The following DAB1 variants were observed in gnomAD, a reference collection of about 807,000 sequenced individuals.
DAB1 encodes the protein DAB adaptor protein 1, also known as disabled homolog 1.
A neutral mutation model predicts 64.6 loss-of-function variants in DAB1; 15 were observed. The observed-to-expected ratio is 0.23, with a 90% CI of 0.16 to 0.36. DAB1 has a LOEUF of 0.36. DAB1 is among the 10% of genes least tolerant of loss of function. DAB1 has a pLI of 1.00. For missense variants in DAB1, 596 were observed against 706.7 expected (o/e 0.84, Z 1.78); for synonymous variants, 235 against 251.9 (o/e 0.93, Z 0.64).
intron 1 of DAB1, among the ~76,000 whole-genome samples, chr1:57,865,249 T>C (rs1654245274): frequency 6.6e-6 from 1 of 152,208 alleles, no homozygotes; most frequent in Admixed American, 6.5e-5. Context: ...TAAATAATCA[T>C]GTGCATGCAC....
chr1:58,059,760 T>C (rs1648374675), intron 5 of DAB1, among the ~76,000 whole-genome samples: 1 of 152,198 alleles, frequency 6.6e-6, no homozygotes, highest in African/African-American at 2.4e-5. Context: ...AATAACCTCA[T>C]GGAGTAAGCA....
intron 5 of DAB1, among the ~76,000 whole-genome samples, chr1:58,018,387 G>T (rs1424406326): frequency 6.6e-6 from 1 of 152,128 alleles, no homozygotes; most frequent in African/African-American, 2.4e-5. Context: ...CCTTGGGCCT[G>T]GTTGCCTAAT....
chr1:57,184,361 C>T (rs1053958574), intron 2 of DAB1, among the ~76,000 whole-genome samples: 1 of 152,146 alleles, frequency 6.6e-6, no homozygotes, highest in Non-Finnish European at 1.5e-5. Flanking sequence ...ACGCTGCATC[C>T]GTTCTTGCCC....
chr1:58,544,407 T>C (rs748691419), intron 1 of DAB1, among the ~76,000 whole-genome samples: 19 of 152,194 alleles, frequency 1.2e-4, no homozygotes, highest in Non-Finnish European at 2.2e-4. Flanking sequence ...TATGCTAGTA[T>C]ATACAAAAAT....
chr1:57,886,385 C>T (rs1330261308), upstream of DAB1, among the ~76,000 whole-genome samples: 2 of 152,132 alleles, frequency 1.3e-5, no homozygotes, highest in South Asian at 2.1e-4. Context: ...TCTCGAACTC[C>T]TGACCTTGTG....
chr1:58,540,022 T>C (rs980898063), intron 1 of DAB1, among the ~76,000 whole-genome samples: 1 of 152,134 alleles, frequency 6.6e-6, no homozygotes, highest in Non-Finnish European at 1.5e-5. Context: ...GAAAATTCCC[T>C]GGAGCTGGGA....
rs1648104453 is a variant in DAB1 at position 57,743,541 on chromosome 1, C to T, written n.552-93876G>A. On this transcript the variant is annotated intron_variant and non_coding_transcript_variant, in intron 6 of 20. Coordinates refer to the DAB1 transcript ENST00000485760. ...TCACAGAAAGCCTGTTTGGTGGTCT[C>T]TCCACACGGATGCGCGTGAAAGGTA... is the stretch of plus-strand genomic sequence containing the variant. Among the ~76,000 whole-genome samples the T allele has an allele frequency of 4.6e-5, 7 of 152,224 alleles. No homozygotes were observed. The South Asian group carries it at 1.2e-3, about 27-fold the overall frequency.
intron 5 of DAB1, among the ~76,000 whole-genome samples, chr1:57,891,264 G>A (rs1373336172): frequency 2.6e-5 from 4 of 152,046 alleles, no homozygotes; most frequent in East Asian, 3.9e-4. Context: ...AAAAAAGCTC[G>A]TCATCACTGG....
At chr1:58,176,415 A>T (rs1037795487) in intron 4 of DAB1, among the ~76,000 whole-genome samples, 21 of 152,216 alleles carry the variant, frequency 1.4e-4, no homozygotes, top group African/African-American at 4.8e-4. Flanking sequence ...TCTCACTGAA[A>T]AAAAGATGGA....
chr1:57,753,738 CTCT>C (rs577636795), intron 6 of DAB1, among the ~76,000 whole-genome samples: 119 of 152,302 alleles, frequency 7.8e-4, no homozygotes, highest in African/African-American at 2.7e-3. Context: ...GATATAATTA[CTCT>C]TCTTTCATAT....
intron 6 of DAB1, among the ~76,000 whole-genome samples, chr1:57,782,358 G>C (rs1347575794): frequency 1.3e-5 from 2 of 152,144 alleles, no homozygotes; most frequent in African/African-American, 2.4e-5. Flanking sequence ...AGTTTTTTAA[G>C]TCTCACAACT....
chr1:57,843,486 A>AT (rs1280176042), intron 1 of DAB1, among the ~76,000 whole-genome samples: 1 of 152,198 alleles, frequency 6.6e-6, no homozygotes, highest in African/African-American at 2.4e-5. Flanking sequence ...GGGAAATAAC[A>AT]TATCAAAAGC....
intron 5 of DAB1, among the ~76,000 whole-genome samples, chr1:57,967,271 G>A (rs1645690512): frequency 6.6e-6 from 1 of 152,088 alleles, no homozygotes. Context: ...CTTTCCTTAT[G>A]GGTAGTTACT....
chr1:58,005,204 T>G (rs1178224273), intron 5 of DAB1, among the ~76,000 whole-genome samples: 1 of 152,170 alleles, frequency 6.6e-6, no homozygotes, highest in African/African-American at 2.4e-5. Flanking sequence ...TTCACACATT[T>G]TCATCCCTCC....
intron 7 of DAB1, among the ~76,000 whole-genome samples, chr1:57,493,371 G>A (rs1644189225): frequency 6.6e-6 from 1 of 151,984 alleles, no homozygotes. Flanking sequence ...CAACTTGTAT[G>A]AGTAGGAATG....
chr1:58,142,859 C>G (rs1654365538), intron 5 of DAB1, among the ~76,000 whole-genome samples: 1 of 152,202 alleles, frequency 6.6e-6, no homozygotes, highest in Non-Finnish European at 1.5e-5. Context: ...CTTAATGCCT[C>G]TCAGTCTGAT....
intron 1 of DAB1, among the ~76,000 whole-genome samples, chr1:57,386,386 A>AAAGAAG (rs548332875): frequency 6.9e-6 from 1 of 144,258 alleles, no homozygotes; most frequent in Non-Finnish European, 1.5e-5. Flanking sequence ...AAAAAAAAAA[A>AAAGAAG]ACCCGTCTTT....
chr1:58,166,613 C>A (rs1655846493), intron 4 of DAB1, among the ~76,000 whole-genome samples: 1 of 152,146 alleles, frequency 6.6e-6, no homozygotes, highest in Non-Finnish European at 1.5e-5. Context: ...CATTCCCAAA[C>A]AAGTCTTTCA....
intron 3 of DAB1, among the ~76,000 whole-genome samples, chr1:58,422,831 C>A (rs1451164656): frequency 6.6e-6 from 1 of 152,006 alleles, no homozygotes; most frequent in African/African-American, 2.4e-5. Context: ...AGAAAAAAAT[C>A]AAGCCTCTGC....
Sources: allele counts gnomAD v4.1 joint callset (sites outside exome capture counted in the v4.1 genomes callset), GRCh38; gene constraint gnomAD v4.1.1; transcripts MANE v1.5; gene names NCBI Gene and HGNC (gene_info 2026-07-23, HGNC 2026-07-21).